SESN3: variants seen among roughly 807,000 people sequenced by gnomAD.
SESN3 encodes sestrin-3.
SESN3 carries 21 observed loss-of-function variants against 55.3 expected under a neutral mutation model. The ratio of observed to expected loss-of-function variants is 0.38; its 90% CI spans 0.27 to 0.55. The LOEUF (loss-of-function observed/expected upper bound fraction) is 0.55, where lower values mean the gene tolerates loss of function less well. Among genes scored for constraint, SESN3 ranks in the 20% least tolerant of loss-of-function variants. The probability of loss-of-function intolerance (pLI) is 0.76; values close to 1 mark genes in which losing one functional copy is unlikely to be tolerated. For synonymous variants in SESN3, 181 were observed against 203.1 expected (o/e 0.89, Z 0.93); for missense variants, 408 against 604.3 (o/e 0.68, Z 3.41).
intron 7 of SESN3, 94 bp downstream of exon 7, chr11:95,178,616 C>T: frequency 2.6e-6 from 2 of 770,892 alleles, no homozygotes; most frequent in South Asian, 1.5e-5. Context: ...TAGATTCTAT[C>T]AAAAATTGTT....
rs1860127922 is a variant in SESN3, at chr11:95,184,589, C to A, written c.768G>T (p.Val256=). The change falls in exon 6 of 10, where the codon GTG becomes GTT. Residue 256 remains valine (V), a synonymous_variant. Transcript: ENST00000536441. Reference sequence around the variant, plus strand: ...AGGCCTCTAGCTCACTTAGAGAATCCACAATCTGGAAACAGATAAGATAAT... The same window carrying A: ...AGGCCTCTAGCTCACTTAGAGAATCAACAATCTGGAAACAGATAAGATAAT... ...ASLSGSNFGI[V]DSLSELEALM... The A allele has an allele frequency of 6.2e-7, 1 of 1,611,530 alleles. No homozygotes were observed. Among genetic ancestry groups the A allele is most frequent in the African/African-American group, 1.3e-5 (1 of 74,668 alleles).
rs1400551833 is a variant in SESN3, at chr11:95,171,281, G to A, written c.*1974C>T. 2.0e-5 allele frequency: 3 copies of A among 152,056 alleles called. No homozygotes were observed. Among genetic ancestry groups the A allele is most frequent in the African/African-American group, 7.2e-5 (3 of 41,420 alleles). The allele number at this position is 152,056 out of a possible 1,614,324, so 9.4% of individuals were successfully genotyped here. On this transcript the variant is annotated 3_prime_UTR_variant, in exon 10 of 10. Coordinates refer to ENST00000536441, the MANE Select transcript of SESN3 (RefSeq NM_144665.4). The stretch of plus-strand genomic sequence containing the variant: ...CTACATAATGTAATATTGAATAAAA[G>A]TTAACATATGGCATATGCAATAAAA...
At position 95,230,676 on chromosome 11, in the gene SESN3, CG is replaced by C. The variant is rs1442656497; in HGVS notation, c.78+106del. 5 of 762,486 alleles carry C rather than the reference CG, an allele frequency of 6.6e-6. No individual in the cohort carries two copies. The highest frequency in any genetic ancestry group is 2.8e-5 in the East Asian group (1 of 35,554). 47.2% of individuals were successfully genotyped at this position (762,486 alleles called of 1,614,324 possible). ...TCAGTCCCTGCGGAGGGACGGTGCC[CG>C]GGGATCCCTCTCAGCCTCCCCCAGT... is the stretch of plus-strand genomic sequence containing the variant. On this transcript the variant is annotated intron_variant, in intron 1 of 9. Coordinates refer to ENST00000536441, the MANE Select transcript of SESN3 (RefSeq NM_144665.4). This position sits in a 1 kb window ranked among gnomAD's most constrained non-coding sequence, Gnocchi z 4.6.
intron 6 of SESN3, chr11:95,184,179 A>G (rs1860117107): frequency 5.8e-6 from 3 of 516,770 alleles, no homozygotes; most frequent in Non-Finnish European, 1.0e-5. Flanking sequence ...TTTAAATAAC[A>G]TTTTATCCAG....
At chr11:95,229,317 C>T (rs1861006475) in intron 1 of SESN3, among the ~76,000 whole-genome samples, 1 of 152,116 alleles carries the variant, frequency 6.6e-6, no homozygotes, top group East Asian at 1.9e-4. Context: ...AGCTACCCTA[C>T]AATGAGCTGA....
At chr11:95,189,154 C>T (rs369789537) in intron 4 of SESN3, among the ~76,000 whole-genome samples, 47 of 151,860 alleles carry the variant, frequency 3.1e-4, no homozygotes, top group Non-Finnish European at 4.4e-4. Context: ...ATAGTTACCA[C>T]GTGCCAAGAA....
chr11:95,179,070 C>G (rs1860012700), intron 6 of SESN3, among the ~76,000 whole-genome samples: 1 of 152,076 alleles, frequency 6.6e-6, no homozygotes, highest in Non-Finnish European at 1.5e-5. Flanking sequence ...ACTGAAATAT[C>G]TAAACAGTAG....
At chr11:95,215,359 C>T (rs1860732603) in intron 1 of SESN3, among the ~76,000 whole-genome samples, 1 of 152,098 alleles carries the variant, frequency 6.6e-6, no homozygotes, top group Non-Finnish European at 1.5e-5. Flanking sequence ...ATGAAACAAA[C>T]TGATTTGCCT....
At chr11:95,224,485 C>T (rs1469028456) in intron 1 of SESN3, 1 of 435,896 alleles carries the variant, frequency 2.3e-6, no homozygotes, top group Non-Finnish European at 4.6e-6. Context: ...CTGCTCTTGG[C>T]TGAAAAGGAA....
chr11:95,219,002 T>C (rs778830195), intron 1 of SESN3, among the ~76,000 whole-genome samples: 5 of 152,234 alleles, frequency 3.3e-5, no homozygotes, highest in Non-Finnish European at 7.3e-5. Flanking sequence ...GTTTCTTGTA[T>C]AATCAAAAGA....
At chr11:95,189,037 C>G (rs1316841287) in intron 4 of SESN3, among the ~76,000 whole-genome samples, 1 of 151,814 alleles carries the variant, frequency 6.6e-6, no homozygotes, top group East Asian at 1.9e-4. Flanking sequence ...AAAATGTAGT[C>G]TAACAAGAGG....
intron 1 of SESN3, among the ~76,000 whole-genome samples, chr11:95,215,533 T>C (rs1446006601): frequency 6.6e-6 from 1 of 152,168 alleles, no homozygotes; most frequent in Non-Finnish European, 1.5e-5. Flanking sequence ...TTCCTAAAAA[T>C]TGTTATCTAG....
At chr11:95,207,832 T>G (rs1860578310) in intron 1 of SESN3, among the ~76,000 whole-genome samples, 1 of 150,902 alleles carries the variant, frequency 6.6e-6, no homozygotes, top group Non-Finnish European at 1.5e-5. Flanking sequence ...GTTTTTTTTG[T>G]TTTGTTTTGT....
chr11:95,203,304 A>G (rs1409951854), intron 1 of SESN3, among the ~76,000 whole-genome samples: 4 of 152,180 alleles, frequency 2.6e-5, no homozygotes, highest in South Asian at 4.1e-4. Flanking sequence ...CTAGAGATTT[A>G]CAAAACAAAT....
rs1859826381 is a variant in SESN3, at chr11:95,170,340, A to G, written c.*2915T>C. On this transcript the variant is annotated 3_prime_UTR_variant, in exon 10 of 10. Transcript: ENST00000536441. ...TCTTGAAATTCCAAAGTAAATAGAC[A>G]TTATTCAAGCATACACATCAGTGGA... 6.6e-6 allele frequency: 1 copy of G among 152,216 alleles called. No homozygotes were observed. Among genetic ancestry groups the G allele is most frequent in the Admixed American group, 6.5e-5 (1 of 15,274 alleles). 9.4% of individuals were successfully genotyped at this position (152,216 alleles called of 1,614,324 possible).
At chr11:95,199,005 TTAA>T (rs1373817669) in intron 1 of SESN3, among the ~76,000 whole-genome samples, 1 of 152,088 alleles carries the variant, frequency 6.6e-6, no homozygotes, top group East Asian at 1.9e-4. Context: ...CCAATTAATC[TTAA>T]TAACAGAAAA....
At chr11:95,221,075 G>A (rs943036038) in intron 1 of SESN3, among the ~76,000 whole-genome samples, 2 of 152,178 alleles carry the variant, frequency 1.3e-5, no homozygotes, top group Admixed American at 1.3e-4. Flanking sequence ...GGCCAAGGCA[G>A]GCAGATCACT....
intron 1 of SESN3, among the ~76,000 whole-genome samples, chr11:95,195,032 A>T (rs1192977203): frequency 6.6e-6 from 1 of 152,166 alleles, no homozygotes; most frequent in Non-Finnish European, 1.5e-5. Flanking sequence ...GATTATGAGG[A>T]AAAATTATGA....
At chr11:95,184,912 T>C (rs1050720307) in intron 5 of SESN3, among the ~76,000 whole-genome samples, 6 of 152,098 alleles carry the variant, frequency 3.9e-5, no homozygotes, top group African/African-American at 1.4e-4. Flanking sequence ...GTTTTACTTT[T>C]TGCTGTCATA....
Sources: gnomAD v4.1 joint callset for allele counts (sites outside exome capture counted in the v4.1 genomes callset) on GRCh38, gnomAD v4.1.1 for gene constraint, Gnocchi (gnomAD v3.1) non-coding constraint, MANE v1.5 for transcripts, NCBI Gene and HGNC (gene_info 2026-07-23, HGNC 2026-07-21) for gene names.